The following PRPH variants were observed in gnomAD, a reference collection of about 807,000 sequenced individuals.
PRPH encodes neurofilament 4 (57kD).
In PRPH, 48 loss-of-function variants were observed where a neutral mutation model predicts 52.6. The ratio of observed to expected loss-of-function variants is 0.91; its 90% CI spans 0.72 to 1.16. PRPH has a LOEUF of 1.16. Ranked by LOEUF, PRPH falls within the 50% of genes most tolerant of loss-of-function variation. PRPH has a pLI of 0.00. For synonymous variants in PRPH, 279 were observed against 283.8 expected, an observed-to-expected ratio of 0.98 and a Z score of 0.17; for missense variants, 579 against 635.7, an observed-to-expected ratio of 0.91 and a Z score of 0.96.
Position 49,295,339 on chromosome 12 carries a change from G to T in PRPH, c.139G>T (p.Gly47Cys). The change falls in exon 1 of 9, where the codon GGC becomes TGC. Residue 47 changes from glycine (G) to cysteine (C), a missense_variant. Gly to Cys is a radical substitution (Grantham distance 159, BLOSUM62 -3). Transcript: ENST00000257860. ...CCGCTTCTCCAGCAGCCGCCTGCTG[G>T]GCTCCGCGTCCCCGAGCTCCTCGGT... Reference protein sequence around the residue: ...SSRFSSSRLLGSASPSSSVRL... With the variant: ...SSRFSSSRLLCSASPSSSVRL... The T allele has an allele frequency of 6.2e-7, 1 of 1,611,024 alleles. No homozygotes were observed. The highest frequency in any genetic ancestry group is 8.5e-7 in the Non-Finnish European group (1 of 1,179,436).
chr12:49,295,390 C>G lies in PRPH; in HGVS notation c.190C>G (p.Arg64Gly). The G allele has an allele frequency of 1.2e-6, 2 of 1,606,080 alleles. No individual in the cohort carries two copies. Among genetic ancestry groups the G allele is most frequent in the East Asian group, 4.5e-5 (2 of 44,612 alleles). ...SVRLGSFRSP[R>G]AGAGALLRLP... ...GCGCCTGGGCAGCTTCCGTAGCCCC[C>G]GAGCGGGAGCGGGCGCCCTCCTGCG... Residue 64 changes from arginine to glycine, a missense_variant, in exon 1 of 9, where the codon CGA becomes GGA. Coordinates refer to ENST00000257860, the MANE Select transcript of PRPH (RefSeq NM_006262.4).
chr12:49,296,978 G>T lies in PRPH; in HGVS notation c.792G>T (p.Ala264=). ...CGGTGAAGCCCGAGCTGACGGCAGC[G>T]CTGAGGGACATCCGCGCGCAGTACG... ...EATVKPELTA[A]LRDIRAQYES... Residue 264 remains alanine, a synonymous_variant, in exon 4 of 9, where the codon GCG becomes GCT. Transcript: ENST00000257860. The surrounding 1 kb of genome is among the most constrained non-coding windows in gnomAD (Gnocchi z 5.1). 6.2e-7 allele frequency: 1 copy of T among 1,613,840 alleles called. No individual in the cohort carries two copies. Among genetic ancestry groups the T allele is most frequent in the Non-Finnish European group, 8.5e-7 (1 of 1,179,962 alleles).
Position 49,297,840 on chromosome 12 carries a change from T to C in PRPH, c.1267+114T>C, listed in dbSNP as rs1478047365. 6.3e-7 allele frequency: 1 copy of C among 1,581,460 alleles called. No homozygotes were observed. Among genetic ancestry groups the C allele is most frequent in the East Asian group, 2.2e-5 (1 of 44,700 alleles). On this transcript the variant is annotated intron_variant, in intron 7 of 8. Coordinates refer to ENST00000257860, the MANE Select transcript of PRPH (RefSeq NM_006262.4). The surrounding 1 kb of genome is among the most constrained non-coding windows in gnomAD (Gnocchi z 4.4). Reference sequence around the variant, plus strand: ...CCCACGGAACTTCTGGGTCCTGGCCTGTACCCACCCCTACTCCTCAAACCC... The same window carrying C: ...CCCACGGAACTTCTGGGTCCTGGCCCGTACCCACCCCTACTCCTCAAACCC...
chr12:49,297,521 G>A lies in PRPH; in HGVS notation c.1161G>A (p.Met387Ile), dbSNP rs1320180235. 6.2e-7 allele frequency: 1 copy of A among 1,612,418 alleles called. No homozygotes were observed. The highest frequency in any genetic ancestry group is 1.3e-5 in the African/African-American group (1 of 74,934). The change falls in exon 6 of 9, where the codon ATG (methionine) becomes ATA (isoleucine). Residue 387 changes from methionine to isoleucine, a missense_variant. By Grantham distance (10) the Met-to-Ile change is conservative. Coordinates refer to ENST00000257860, the MANE Select transcript of PRPH (RefSeq NM_006262.4). The surrounding 1 kb of genome is among the most constrained non-coding windows in gnomAD (Gnocchi z 4.4). ...ACCAGGAGCTCCTCAACGTCAAGAT[G>A]GCCCTGGACATCGAGATCGCCACCT... ...REYQELLNVK[M>I]ALDIEIATYR...
chr12:49,298,015 C>A lies in PRPH; in HGVS notation c.1325C>A (p.Thr442Asn), dbSNP rs750734860. ...AGCCGGAAGACGGTTCTGATCAAGACCATTGAGACCCGGAATGGGGAGGTG... is the reference window on the plus strand; with the variant it reads ...AGCCGGAAGACGGTTCTGATCAAGAACATTGAGACCCGGAATGGGGAGGTG... ...SHSRKTVLIKTIETRNGEVVT... is the reference protein window; with the variant it reads ...SHSRKTVLIKNIETRNGEVVT... The change falls in exon 8 of 9, where the codon ACC becomes AAC. Residue 442 changes from threonine to asparagine, a missense_variant. By Grantham distance (65) the Thr-to-Asn change is moderately conservative. Transcript: ENST00000257860. The A allele has an allele frequency of 6.2e-7, 1 of 1,614,084 alleles. No homozygotes were observed. The highest frequency in any genetic ancestry group is 8.5e-7 in the Non-Finnish European group (1 of 1,180,024).
rs1592298055 is a variant in PRPH at position 49,297,703 on chromosome 12, C to T, written c.1244C>T (p.Ala415Val). ...SRISVPVHSF[A>V]SLNIKTTVPE... The stretch of plus-strand genomic sequence containing the variant: ...ATCTCCGTGCCCGTCCATTCTTTTG[C>T]CTCCTTAAATATAAAGACGACTGGT... Residue 415 changes from alanine to valine, a missense_variant, in exon 7 of 9, where the codon GCC becomes GTC. Transcript: ENST00000257860. The surrounding 1 kb of genome is among the most constrained non-coding windows in gnomAD (Gnocchi z 4.4). 6.2e-7 allele frequency: 1 copy of T among 1,609,028 alleles called. No individual in the cohort carries two copies. The highest frequency in any genetic ancestry group is 8.5e-7 in the Non-Finnish European group (1 of 1,176,208).
In PRPH at chr12:49,298,044, C is replaced by T; in HGVS notation, c.1347+7C>T. On this transcript the variant is annotated splice_region_variant and intron_variant, in intron 8 of 8. Coordinates refer to ENST00000257860, the MANE Select transcript of PRPH (RefSeq NM_006262.4). ...TGAGACCCGGAATGGGGAGGTGAGG[C>T]AGGTCCCCTAATGCCAGGACCCCAC... 6.2e-7 allele frequency: 1 copy of T among 1,613,628 alleles called. No individual in the cohort carries two copies. Among genetic ancestry groups the T allele is most frequent in the Non-Finnish European group, 8.5e-7 (1 of 1,179,562 alleles).
At chr12:49,295,967 T>C (rs1943173208) in intron 1 of PRPH, 1 of 1,423,868 alleles carries the variant, frequency 7.0e-7, no homozygotes, top group Non-Finnish European at 9.3e-7. Flanking sequence ...GAAGTGGGTA[T>C]CTGTGCCTCC....
rs1044556517 is a variant in PRPH at position 49,296,117 on chromosome 12, G to A, written c.546-61G>A. 32 of 1,554,044 alleles carry A rather than the reference G, an allele frequency of 2.1e-5. 2 individuals carry two copies. The South Asian group carries it at 3.2e-4, about 16-fold the overall frequency. On this transcript the variant is annotated intron_variant, in intron 1 of 8. Coordinates refer to ENST00000257860, the MANE Select transcript of PRPH (RefSeq NM_006262.4). The surrounding 1 kb of genome is among the most constrained non-coding windows in gnomAD (Gnocchi z 5.1). Reference sequence around the variant, plus strand: ...CTAACCGGATCCTGGGGGGCGTGCGGTCTGGGGTGCGAGCTGGGCGGCGAC... The same window carrying A: ...CTAACCGGATCCTGGGGGGCGTGCGATCTGGGGTGCGAGCTGGGCGGCGAC...
At position 49,297,263 on chromosome 12, in the gene PRPH, T is replaced by A. The variant is rs1943196962; in HGVS notation, c.986T>A (p.Leu329Gln). ...IQSLTCEVDG[L>Q]RGTNEALLRQ... ...AGTCTAACGTGCGAGGTGGACGGGC[T>A]GCGCGGCACGGTGAGTACGAAGCTG... Residue 329 changes from leucine to glutamine, a missense_variant, in exon 5 of 9, where the codon CTG becomes CAG. Physicochemically the swap from Leu to Gln is moderately radical, Grantham distance 113. Coordinates refer to ENST00000257860, the MANE Select transcript of PRPH (RefSeq NM_006262.4). The surrounding 1 kb of genome is among the most constrained non-coding windows in gnomAD (Gnocchi z 4.4). 6.2e-7 allele frequency: 1 copy of A among 1,613,838 alleles called. No homozygotes were observed. The highest frequency in any genetic ancestry group is 1.3e-5 in the African/African-American group (1 of 74,890).
In PRPH at chr12:49,296,642, G is replaced by C; in HGVS notation, c.702+115G>C. ...ATCAGGACGATGCTGGGTAGACGCA[G>C]CCCCTCCACCCTAGTCTACAGGTGG... On this transcript the variant is annotated intron_variant, in intron 3 of 8. Coordinates refer to ENST00000257860, the MANE Select transcript of PRPH (RefSeq NM_006262.4). This position sits in a 1 kb window ranked among gnomAD's most constrained non-coding sequence, Gnocchi z 5.1. 8.8e-7 allele frequency: 1 copy of C among 1,139,798 alleles called. No individual in the cohort carries two copies. 70.6% of individuals were successfully genotyped at this position (1,139,798 alleles called of 1,614,324 possible). A position where few individuals can be genotyped will look rare whatever the true frequency, so the allele number is the denominator to read the frequency against.
Position 49,297,452 on chromosome 12 carries a change from G to A in PRPH, c.1092G>A (p.Glu364=), listed in dbSNP as rs1255955007. Residue 364 remains glutamate, a synonymous_variant, in exon 6 of 9, where the codon GAG becomes GAA. Coordinates refer to ENST00000257860, the MANE Select transcript of PRPH (RefSeq NM_006262.4). The surrounding 1 kb of genome is among the most constrained non-coding windows in gnomAD (Gnocchi z 4.4). ...CGGGCGCTGCGCGGCTCGAGGAGGAGCTGCGACAGCTAAAAGAGGAGATGG... is the reference window on the plus strand; with the variant it reads ...CGGGCGCTGCGCGGCTCGAGGAGGAACTGCGACAGCTAAAAGAGGAGATGG... ...YQAGAARLEE[E]LRQLKEEMAR... is the part of the protein sequence containing the mutation. 2 of 1,611,476 alleles carry A rather than the reference G, an allele frequency of 1.2e-6. No individual in the cohort carries two copies. Among genetic ancestry groups the A allele is most frequent in the Admixed American group, 3.3e-5 (2 of 59,866 alleles).
chr12:49,297,067 C>T lies in PRPH; in HGVS notation c.870+11C>T, dbSNP rs1592297322. The T allele has an allele frequency of 6.2e-7, 1 of 1,613,864 alleles. No individual in the cohort carries two copies. The highest frequency in any genetic ancestry group is 8.5e-7 in the Non-Finnish European group (1 of 1,179,952). On this transcript the variant is annotated intron_variant, in intron 4 of 8. Transcript: ENST00000257860. This position sits in a 1 kb window ranked among gnomAD's most constrained non-coding sequence, Gnocchi z 4.4. ...TGGTACAAGTCCAAGGTGCAAGAGC[C>T]GGGAGGGCCTGCGAGGCGGGACGCT...
In PRPH at chr12:49,295,801, G is replaced by C. The variant is rs528907613; in HGVS notation, c.545+56G>C. On this transcript the variant is annotated intron_variant, in intron 1 of 8. Coordinates refer to ENST00000257860, the MANE Select transcript of PRPH (RefSeq NM_006262.4). Reference sequence around the variant, plus strand: ...GAGGCGAGGTCGAAGCGGCCGTCGAGGCGGCTGCTCTTGCCTCCCCTCGCT... The same window carrying C: ...GAGGCGAGGTCGAAGCGGCCGTCGACGCGGCTGCTCTTGCCTCCCCTCGCT... 353 of 1,441,768 alleles carry C rather than the reference G, an allele frequency of 2.4e-4. 5 individuals carry two copies. The South Asian group carries it at 3.5e-3, about 14-fold the overall frequency. The allele number at this position is 1,441,768 out of a possible 1,614,324, so 89.3% of individuals were successfully genotyped here.
At chr12:49,295,908 C>T (rs1943172049) in intron 1 of PRPH, 163 bp downstream of exon 1, 13 of 1,441,570 alleles carry the variant, frequency 9.0e-6, no homozygotes, top group South Asian at 2.9e-5. Flanking sequence ...CCCACGGGCT[C>T]CAAGTGCCCC....
Position 49,295,434 on chromosome 12 carries a change from C to A in PRPH, c.234C>A (p.Leu78=), listed in dbSNP as rs1943162359. The A allele has an allele frequency of 1.9e-6, 3 of 1,606,076 alleles. No homozygotes were observed. The highest frequency in any genetic ancestry group is 2.5e-6 in the Non-Finnish European group (3 of 1,176,974). The change falls in exon 1 of 9, where the codon CTC becomes CTA. Residue 78 remains leucine, a synonymous_variant. Coordinates refer to ENST00000257860, the MANE Select transcript of PRPH (RefSeq NM_006262.4). Reference sequence around the variant, plus strand: ...TCCTGCGCCTGCCCTCGGAGCGCCTCGACTTCTCCATGGCCGAGGCCCTCA... The same window carrying A: ...TCCTGCGCCTGCCCTCGGAGCGCCTAGACTTCTCCATGGCCGAGGCCCTCA... ...GALLRLPSER[L]DFSMAEALNQ... is the part of the protein sequence containing the mutation.
rs756106436 is a variant in PRPH, at chr12:49,295,198, G to T, written c.-3G>T. The T allele has an allele frequency of 3.7e-6, 6 of 1,610,282 alleles. No homozygotes were observed. Among genetic ancestry groups the T allele is most frequent in the Non-Finnish European group, 5.1e-6 (6 of 1,179,264 alleles). ...GAACGGTGACTGCCCATCCTTGGCCGCAATGAGCCACCACCCGTCGGGCCT... is the reference window on the plus strand; with the variant it reads ...GAACGGTGACTGCCCATCCTTGGCCTCAATGAGCCACCACCCGTCGGGCCT... On this transcript the variant is annotated 5_prime_UTR_variant, in exon 1 of 9. Coordinates refer to ENST00000257860, the MANE Select transcript of PRPH (RefSeq NM_006262.4).
Position 49,296,768 on chromosome 12 carries a change from C to T in PRPH, c.703-121C>T. On this transcript the variant is annotated intron_variant, in intron 3 of 8. Coordinates refer to ENST00000257860, the MANE Select transcript of PRPH (RefSeq NM_006262.4). This position sits in a 1 kb window ranked among gnomAD's most constrained non-coding sequence, Gnocchi z 5.1. Reference sequence around the variant, plus strand: ...CCCGCGGGGGCGCAGGGCTGTACGCCCTGCCCTCCCTGGCGCCCACTTCTG... The same window carrying T: ...CCCGCGGGGGCGCAGGGCTGTACGCTCTGCCCTCCCTGGCGCCCACTTCTG... The T allele has an allele frequency of 6.8e-7, 1 of 1,461,826 alleles. No homozygotes were observed. Among genetic ancestry groups the T allele is most frequent in the Non-Finnish European group, 9.3e-7 (1 of 1,079,418 alleles). 90.6% of individuals were successfully genotyped at this position (1,461,826 alleles called of 1,614,324 possible). A position where few individuals can be genotyped will look rare whatever the true frequency, so the allele number is the denominator to read the frequency against.
Position 49,295,645 on chromosome 12 carries a change from C to T in PRPH, c.445C>T (p.Arg149Cys). ...RADQLCQQEL[R>C]ELRRELELLG... is the part of the protein sequence containing the mutation. ...CGACCAGCTGTGCCAGCAGGAGCTG[C>T]GCGAGCTGCGGCGAGAGCTGGAGCT... Residue 149 changes from arginine (R) to cysteine (C), a missense_variant, in exon 1 of 9, where the codon CGC becomes TGC. Physicochemically the swap from Arg to Cys is radical, Grantham distance 180. Transcript: ENST00000257860. 6.5e-7 allele frequency: 1 copy of T among 1,540,510 alleles called. No homozygotes were observed. Among genetic ancestry groups the T allele is most frequent in the Non-Finnish European group, 8.7e-7 (1 of 1,144,708 alleles).
Sources: allele counts gnomAD v4.1 joint callset, GRCh38; gene constraint gnomAD v4.1.1; non-coding constraint Gnocchi (gnomAD v3.1); transcripts MANE v1.5; gene names NCBI Gene and HGNC (gene_info 2026-07-23, HGNC 2026-07-21).